Variants in EIPR1 observed in about 807,000 individuals in gnomAD.
EIPR1 encodes EARP and GARP complex-interacting protein 1.
In EIPR1, 25 loss-of-function variants were observed where a neutral mutation model predicts 48.1. The observed-to-expected ratio is 0.52, with a 90% confidence interval of 0.38 to 0.73. The LOEUF is 0.73. Ranked by LOEUF, EIPR1 falls within the 30% of genes least tolerant of loss-of-function variation. The pLI is 0.00. For missense variants in EIPR1, 415 were observed against 506.2 expected (o/e 0.82, Z 1.73); for synonymous variants, 204 against 201.9 (o/e 1.01, Z -0.09).
chr2:3,210,448 GAC>G (rs1409792668), intron 5 of EIPR1, among the ~76,000 whole-genome samples: 4 of 152,054 alleles, frequency 2.6e-5, no homozygotes, highest in Admixed American at 2.6e-4. Flanking sequence ...GAGGACAATG[GAC>G]AGACATTGGG....
chr2:3,278,175 C>G (rs1409792715), intron 3 of EIPR1, among the ~76,000 whole-genome samples: 1 of 152,204 alleles, frequency 6.6e-6, no homozygotes, highest in Non-Finnish European at 1.5e-5. Context: ...GCCCCAGAGG[C>G]CCAGGGGAGT....
intron 3 of EIPR1, among the ~76,000 whole-genome samples, chr2:3,264,364 C>A (rs112531434): frequency 6.6e-6 from 1 of 152,196 alleles, no homozygotes; most frequent in Non-Finnish European, 1.5e-5. Context: ...TTTCTTTATC[C>A]GTTCATCCGG....
At chr2:3,279,209 A>AATCTTC (rs1667948697) in intron 3 of EIPR1, among the ~76,000 whole-genome samples, 1 of 152,122 alleles carries the variant, frequency 6.6e-6, no homozygotes, top group Admixed American at 6.5e-5. Context: ...CACTCCAAAA[A>AATCTTC]ATCTTCATCC....
intron 1 of EIPR1, among the ~76,000 whole-genome samples, chr2:3,358,592 C>T: frequency 6.6e-6 from 1 of 152,194 alleles, no homozygotes; most frequent in East Asian, 1.9e-4. Context: ...GAGCTTTAGA[C>T]TCATAAAGTT....
chr2:3,229,789 T>A (rs1005653726), intron 4 of EIPR1, among the ~76,000 whole-genome samples: 2 of 152,242 alleles, frequency 1.3e-5, no homozygotes, highest in South Asian at 2.1e-4. Flanking sequence ...TCAGCACAGA[T>A]CTTCAACGGT....
At chr2:3,214,123 A>G (rs1226081002) in intron 5 of EIPR1, 26 bp downstream of exon 5, 1 of 1,601,324 alleles carries the variant, frequency 6.2e-7, no homozygotes, top group Admixed American at 1.7e-5. Context: ...TACAGAAACA[A>G]ACGCTGTGTT....
chr2:3,342,512 C>CGT (rs1416716590), intron 2 of EIPR1, among the ~76,000 whole-genome samples: 1 of 152,262 alleles, frequency 6.6e-6, no homozygotes, highest in African/African-American at 2.4e-5. Flanking sequence ...GACAGTGCAG[C>CGT]GTGGCCCCCA....
intron 4 of EIPR1, among the ~76,000 whole-genome samples, chr2:3,232,350 G>C (rs1234313748): frequency 6.6e-6 from 1 of 151,894 alleles, no homozygotes; most frequent in Non-Finnish European, 1.5e-5. Flanking sequence ...CTAACTTTGG[G>C]CCTAGTTTGT....
chr2:3,284,257 C>T (rs1437668874), intron 3 of EIPR1, among the ~76,000 whole-genome samples: 4 of 113,784 alleles, frequency 3.5e-5, no homozygotes, highest in African/African-American at 1.0e-4. Context: ...CACGGCTGCA[C>T]GTAAGCTGGG....
chr2:3,290,060 T>C (rs573900489), intron 3 of EIPR1, among the ~76,000 whole-genome samples: 6 of 152,342 alleles, frequency 3.9e-5, no homozygotes, highest in South Asian at 2.1e-4. Context: ...CTTTATCCCA[T>C]TGCACAAATT....
At chr2:3,279,204 C>T (rs972914878) in intron 3 of EIPR1, among the ~76,000 whole-genome samples, 1 of 152,174 alleles carries the variant, frequency 6.6e-6, no homozygotes, top group Non-Finnish European at 1.5e-5. Context: ...CCCCTCACTC[C>T]AAAAAATCTT....
intron 4 of EIPR1, among the ~76,000 whole-genome samples, chr2:3,249,871 T>C (rs10202002): frequency 0.072 from 10,913 of 152,296 alleles, 655 homozygotes; most frequent in Admixed American, 0.19. Flanking sequence ...GTGCAAGCTA[T>C]ATGCCCTGGC....
At chr2:3,303,969 C>T (rs185239509) in intron 3 of EIPR1, among the ~76,000 whole-genome samples, 474 of 152,358 alleles carry the variant, frequency 3.1e-3, no homozygotes, top group Non-Finnish European at 5.5e-3. Flanking sequence ...AACCCTATCA[C>T]TCAAATCTCC....
Position 3,286,714 on chromosome 2 carries a change from CT to C in EIPR1, c.260-29260del, listed in dbSNP as rs1291366852. ...ATGCCCCAGAGGAACAAGCCAGCCC[CT>C]GCGTCCCCACGTGCTGAGTCCATCC... On this transcript the variant is annotated intron_variant, in intron 3 of 8. Coordinates refer to ENST00000382125, the MANE Select transcript of EIPR1 (RefSeq NM_003310.5). The surrounding 1 kb of genome is among the most constrained non-coding windows in gnomAD (Gnocchi z 4.2). Among the ~76,000 whole-genome samples, 1 of 152,266 alleles carries C rather than the reference CT, an allele frequency of 6.6e-6. No individual in the cohort carries two copies. The highest frequency in any genetic ancestry group is 2.4e-5 in the African/African-American group (1 of 41,476).
At chr2:3,224,924 A>T (rs1666011356) in intron 4 of EIPR1, among the ~76,000 whole-genome samples, 1 of 152,236 alleles carries the variant, frequency 6.6e-6, no homozygotes, top group Non-Finnish European at 1.5e-5. Flanking sequence ...TGGGGGCTGC[A>T]GCCTGTGACC....
intron 3 of EIPR1, among the ~76,000 whole-genome samples, chr2:3,258,230 G>C (rs893080919): frequency 6.6e-6 from 1 of 152,000 alleles, no homozygotes; most frequent in African/African-American, 2.4e-5. Context: ...GAAAGACTGG[G>C]GTCACTTGTT....
chr2:3,270,981 G>A (rs1055881682), intron 3 of EIPR1, among the ~76,000 whole-genome samples: 1 of 152,150 alleles, frequency 6.6e-6, no homozygotes, highest in Admixed American at 6.5e-5. Flanking sequence ...TATCAACTGG[G>A]CTTATGGAAT....
rs138168930 is a variant in EIPR1 at position 3,202,437 on chromosome 2, G to A, written c.517-5420C>T. Among the ~76,000 whole-genome samples, 6 of 152,334 alleles carry A rather than the reference G, an allele frequency of 3.9e-5. No individual in the cohort carries two copies. The East Asian group carries it at 1.2e-3, about 29-fold the overall frequency. On this transcript the variant is annotated intron_variant, in intron 5 of 8. Transcript: ENST00000382125. ...AAAAAGACCAACTAGCAGATATAAT[G>A]AAAAGGCTGGATATTGTTTCTAACT...
chr2:3,237,927 G>A (rs1264900282), intron 4 of EIPR1, among the ~76,000 whole-genome samples: 4 of 152,228 alleles, frequency 2.6e-5, no homozygotes, highest in African/African-American at 4.8e-5. Context: ...TGAACGTGGT[G>A]CTGCCCTCCA....
Sources: allele counts gnomAD v4.1 joint callset (sites outside exome capture counted in the v4.1 genomes callset), GRCh38; gene constraint gnomAD v4.1.1; non-coding constraint Gnocchi (gnomAD v3.1); transcripts MANE v1.5; gene names NCBI Gene and HGNC (gene_info 2026-07-23, HGNC 2026-07-21).